HP: variants seen among roughly 807,000 people sequenced by gnomAD.
HP encodes the protein haptoglobin alpha(1S)-beta.
In HP, 9 loss-of-function variants were observed where a neutral mutation model predicts 23.2. The ratio of observed to expected loss-of-function variants is 0.39; its 90% confidence interval spans 0.23 to 0.68. HP has a LOEUF of 0.68. HP is among the 30% of genes least tolerant of loss of function. HP has a pLI of 0.47. For synonymous variants in HP, 155 were observed against 183.3 expected, an observed-to-expected ratio of 0.85 and a Z score of 1.25; for missense variants, 433 against 483.6, an observed-to-expected ratio of 0.90 and a Z score of 0.98.
intron 5 of HP, 29 bp from the exon 6 acceptor site, chr16:72,059,085 T>C: frequency 6.4e-7 from 1 of 1,556,884 alleles, no homozygotes; most frequent in Non-Finnish European, 8.8e-7. Flanking sequence ...TGACTTCTCC[T>C]TTGGCTCACT....
chr16:72,060,563 T>G lies in HP; in HGVS notation c.894T>G (p.Tyr298Ter). ...TTAAATTTACTGACCATCTGAAGTATGTCATGCTGCCTGTGGCTGACCAAG... is the reference window on the plus strand; with the variant it reads ...TTAAATTTACTGACCATCTGAAGTAGGTCATGCTGCCTGTGGCTGACCAAG... Reference protein sequence around the residue: ...ANFKFTDHLKYVMLPVADQDQ... With the variant: ...ANFKFTDHLK Residue 298 changes from tyrosine (Y) to a stop codon, truncating the protein, a stop_gained, in exon 7 of 7, where the codon TAT becomes TAG. Transcript: ENST00000355906. LOFTEE classifies it high-confidence loss of function. The G allele has an allele frequency of 6.2e-7, 1 of 1,614,174 alleles. No homozygotes were observed. Among genetic ancestry groups the G allele is most frequent in the East Asian group, 2.2e-5 (1 of 44,838 alleles).
Position 72,060,573 on chromosome 16 carries a change from C to G in HP, c.904C>G (p.Pro302Ala), listed in dbSNP as rs1325708732. 1.2e-6 allele frequency: 2 copies of G among 1,614,120 alleles called. No homozygotes were observed. The highest frequency in any genetic ancestry group is 1.7e-6 in the Non-Finnish European group (2 of 1,180,036). Residue 302 changes from proline (P) to alanine (A), a missense_variant, in exon 7 of 7, where the codon CCT becomes GCT. Physicochemically the swap from Pro to Ala is conservative, Grantham distance 27. This residue lies in a region of HP where 326 missense variants were observed against 358.1 expected (regional missense o/e 0.91). Coordinates refer to ENST00000355906, the MANE Select transcript of HP (RefSeq NM_005143.5). ...FTDHLKYVML[P>A]VADQDQCIRH... ...TGACCATCTGAAGTATGTCATGCTG[C>G]CTGTGGCTGACCAAGACCAATGCAT...
Position 72,060,771 on chromosome 16 carries a change from A to G in HP, c.1102A>G (p.Thr368Ala). The G allele has an allele frequency of 6.2e-7, 1 of 1,614,180 alleles. No individual in the cohort carries two copies. Among genetic ancestry groups the G allele is most frequent in the Non-Finnish European group, 8.5e-7 (1 of 1,180,030 alleles). Reference protein sequence around the residue: ...AFAVHDLEEDTWYATGILSFD... With the variant: ...AFAVHDLEEDAWYATGILSFD... Reference sequence around the variant, plus strand: ...TGCCGTTCACGACCTGGAGGAGGACACCTGGTATGCGACTGGGATCTTAAG... The same window carrying G: ...TGCCGTTCACGACCTGGAGGAGGACGCCTGGTATGCGACTGGGATCTTAAG... Residue 368 changes from threonine (T) to alanine (A), a missense_variant, in exon 7 of 7, where the codon ACC becomes GCC. By Grantham distance (58) the Thr-to-Ala change is moderately conservative (BLOSUM62 0). Transcript: ENST00000355906.
At position 72,057,845 on chromosome 16, in the gene HP, G is replaced by A; in HGVS notation, c.265+379G>A. 8.8e-6 allele frequency: 3 copies of A among 341,790 alleles called. 1 individual carries two copies. Among genetic ancestry groups the A allele is most frequent in the African/African-American group, 5.9e-5 (2 of 34,064 alleles). 21.2% of individuals were successfully genotyped at this position (341,790 alleles called of 1,614,324 possible). A position where few individuals can be genotyped will look rare whatever the true frequency, so the allele number is the denominator to read the frequency against. ...GGAAGCCTAGCAGGAGGCTGGACAT[G>A]GGCTGGAACTCCTGCTTCTCGTTAT... On this transcript the variant is annotated intron_variant, in intron 4 of 6. Transcript: ENST00000355906.
At position 72,060,348 on chromosome 16, in the gene HP, A is replaced by G; in HGVS notation, c.679A>G (p.Lys227Glu). The change falls in exon 7 of 7, where the codon AAA becomes GAA. Residue 227 changes from lysine to glutamate, a missense_variant. Lys to Glu is a moderately conservative substitution (Grantham distance 56). Around this residue, in one of 3 missense-constraint regions of HP, gnomAD observed 326 missense variants for 358.1 expected, o/e 0.91. Coordinates refer to ENST00000355906, the MANE Select transcript of HP (RefSeq NM_005143.5). ...IAPTLTLYVG[K>E]KQLVEIEKVV... ...CCCTACTTTAACACTCTATGTGGGGAAAAAGCAGCTTGTAGAGATTGAGAA... is the reference window on the plus strand; with the variant it reads ...CCCTACTTTAACACTCTATGTGGGGGAAAAGCAGCTTGTAGAGATTGAGAA... 6.2e-7 allele frequency: 1 copy of G among 1,614,168 alleles called. No individual in the cohort carries two copies. Among genetic ancestry groups the G allele is most frequent in the Non-Finnish European group, 8.5e-7 (1 of 1,180,034 alleles).
chr16:72,059,870 G>T (rs1181900402), intron 6 of HP: 1 of 916,836 alleles, frequency 1.1e-6, no homozygotes, highest in African/African-American at 1.7e-5. Context: ...AAAAATCTCA[G>T]TATTTCCCAC....
chr16:72,059,122 A>C lies in HP; in HGVS notation c.376A>C (p.Thr126Pro). 6.4e-7 allele frequency: 1 copy of C among 1,565,080 alleles called. No homozygotes were observed. The highest frequency in any genetic ancestry group is 8.7e-7 in the Non-Finnish European group (1 of 1,148,750). Residue 126 changes from threonine (T) to proline (P), a missense_variant, in exon 6 of 7, where the codon ACC becomes CCC. Thr to Pro is a conservative substitution (Grantham distance 38). Around this residue, in one of 3 missense-constraint regions of HP, gnomAD observed 326 missense variants for 358.1 expected, o/e 0.91. Coordinates refer to ENST00000355906, the MANE Select transcript of HP (RefSeq NM_005143.5). ...KLRTEGDGVY[T>P]LNNEKQWINK... ...CTTGCCTTTTGTTTCAGGAGTGTAC[A>C]CCTTAAACAATGAGAAGCAGTGGAT...
chr16:72,055,901 G>A, intron 1 of HP: 2 of 545,994 alleles, frequency 3.7e-6, no homozygotes, highest in Non-Finnish European at 6.6e-6. Flanking sequence ...TGAAGCTTCT[G>A]CAGAATTCCC....
Position 72,060,318 on chromosome 16 carries a change from A to G in HP, c.649A>G (p.Ile217Val), listed in dbSNP as rs764101571. 6.2e-6 allele frequency: 10 copies of G among 1,614,018 alleles called. No homozygotes were observed. The highest frequency in any genetic ancestry group is 2.7e-5 in the African/African-American group (2 of 74,914). The change falls in exon 7 of 7, where the codon ATT becomes GTT. Residue 217 changes from isoleucine (I) to valine (V), a missense_variant. Ile to Val is a conservative substitution (Grantham distance 29). This residue lies in a region of HP where 326 missense variants were observed against 358.1 expected (regional missense o/e 0.91). Transcript: ENST00000355906. Reference protein sequence around the residue: ...NHSENATAKDIAPTLTLYVGK... With the variant: ...NHSENATAKDVAPTLTLYVGK... ...TTCAGAAAATGCAACAGCGAAAGAC[A>G]TTGCCCCTACTTTAACACTCTATGT...
At position 72,060,574 on chromosome 16, in the gene HP, C is replaced by T. The variant is rs764664304; in HGVS notation, c.905C>T (p.Pro302Leu). The T allele has an allele frequency of 8.1e-6, 13 of 1,614,154 alleles. No homozygotes were observed. Among genetic ancestry groups the T allele is most frequent in the Non-Finnish European group, 1.1e-5 (13 of 1,180,040 alleles). ...GACCATCTGAAGTATGTCATGCTGC[C>T]TGTGGCTGACCAAGACCAATGCATA... ...FTDHLKYVMLPVADQDQCIRH... is the reference protein window; with the variant it reads ...FTDHLKYVMLLVADQDQCIRH... Residue 302 changes from proline to leucine, a missense_variant, in exon 7 of 7, where the codon CCT becomes CTT. Physicochemically the swap from Pro to Leu is moderately conservative, Grantham distance 98 (BLOSUM62 -3). This residue lies in a region of HP where 326 missense variants were observed against 358.1 expected (regional missense o/e 0.91). Coordinates refer to ENST00000355906, the MANE Select transcript of HP (RefSeq NM_005143.5).
In HP at chr16:72,060,584, C is replaced by T; in HGVS notation, c.915C>T (p.Asp305=). ...AGTATGTCATGCTGCCTGTGGCTGA[C>T]CAAGACCAATGCATAAGGCATTATG... ...HLKYVMLPVA[D]QDQCIRHYEG... is the part of the protein sequence containing the mutation. Residue 305 remains aspartate, a synonymous_variant, in exon 7 of 7, where the codon GAC becomes GAT. Coordinates refer to ENST00000355906, the MANE Select transcript of HP (RefSeq NM_005143.5). 1 of 1,614,068 alleles carries T rather than the reference C, an allele frequency of 6.2e-7. No individual in the cohort carries two copies. Among genetic ancestry groups the T allele is most frequent in the South Asian group, 1.1e-5 (1 of 91,080 alleles).
intron 1 of HP, chr16:72,054,931 G>A: frequency 3.2e-6 from 2 of 617,054 alleles, no homozygotes; most frequent in Non-Finnish European, 5.6e-6. Context: ...CAGCTCCCGT[G>A]GTAGGCTTCC....
intron 1 of HP, chr16:72,055,248 TC>T (rs2041441663): frequency 6.3e-6 from 1 of 159,372 alleles, no homozygotes; most frequent in Non-Finnish European, 1.4e-5. Context: ...CAAGTGATTC[TC>T]CTGCCTCAGC....
intron 1 of HP, chr16:72,055,880 C>T: frequency 4.2e-6 from 2 of 474,782 alleles, no homozygotes. Context: ...ATGTGCCTTT[C>T]TATCCCTCTC....
intron 5 of HP, 179 bp downstream of exon 5, chr16:72,058,534 T>C: frequency 9.3e-6 from 3 of 324,190 alleles, no homozygotes; most frequent in Non-Finnish European, 1.6e-5. Flanking sequence ...AGACTAACTT[T>C]TGTCAGCCTC....
rs551868032 is a variant in HP, at chr16:72,059,222, G to A, written c.442+34G>A. The A allele has an allele frequency of 2.9e-4, 458 of 1,563,450 alleles. 43 individuals carry two copies. The highest frequency in any genetic ancestry group is 2.7e-3 in the South Asian group (246 of 90,408). On this transcript the variant is annotated intron_variant, in intron 6 of 6. Coordinates refer to ENST00000355906, the MANE Select transcript of HP (RefSeq NM_005143.5). ...TGAGCACTTAAGAGAGCAGGCAGGC[G>A]TCCAGCGGGGAACGTCCTAGAGGCA...
In HP at chr16:72,057,531, C is replaced by T. The variant is rs1597409538; in HGVS notation, c.265+65C>T. ...CGTCCAGCGGGGAACGTCCTAGAGG[C>T]ACAGCCTTCCAGTGCGGCTTCCTCT... On this transcript the variant is annotated intron_variant, in intron 4 of 6. Coordinates refer to ENST00000355906, the MANE Select transcript of HP (RefSeq NM_005143.5). The T allele has an allele frequency of 4.9e-6, 3 of 612,898 alleles. 1 individual carries two copies. The highest frequency in any genetic ancestry group is 3.1e-5 in the East Asian group (1 of 32,366). The allele number at this position is 612,898 out of a possible 1,614,324, so 38.0% of individuals were successfully genotyped here. A position where few individuals can be genotyped will look rare whatever the true frequency, so the allele number is the denominator to read the frequency against.
intron 1 of HP, chr16:72,055,392 C>A (rs185375822): frequency 6.5e-4 from 102 of 156,490 alleles, no homozygotes; most frequent in Non-Finnish European, 1.3e-3. Flanking sequence ...CCTGCCTTGG[C>A]CTCCCAAAGT....
Position 72,060,535 on chromosome 16 carries a change from A to G in HP, c.866A>G (p.Asn289Ser), listed in dbSNP as rs745716802. The change falls in exon 7 of 7, where the codon AAT becomes AGT. Residue 289 changes from asparagine to serine, a missense_variant. By Grantham distance (46) the Asn-to-Ser change is conservative. This residue lies in a region of HP where 326 missense variants were observed against 358.1 expected (regional missense o/e 0.91). Coordinates refer to ENST00000355906, the MANE Select transcript of HP (RefSeq NM_005143.5). ...GYVSGWGRNA[N>S]FKFTDHLKYV... ...GTTTCTGGCTGGGGGCGAAATGCCA[A>G]TTTTAAATTTACTGACCATCTGAAG... The G allele has an allele frequency of 1.8e-5, 29 of 1,614,032 alleles. 1 individual carries two copies. The highest frequency in any genetic ancestry group is 3.3e-5 in the South Asian group (3 of 91,088).
Sources: allele counts gnomAD v4.1 joint callset, GRCh38; gene constraint gnomAD v4.1.1; regional missense constraint gnomAD v4.1.1; transcripts MANE v1.5; gene names NCBI Gene and HGNC (gene_info 2026-07-23, HGNC 2026-07-21).